CEBPZ: variants seen among roughly 807,000 people sequenced by gnomAD.
CEBPZ encodes CCAAT enhancer binding protein zeta.
Under a neutral mutation model 104.5 loss-of-function variants are expected in CEBPZ, and 78 were observed. That is an observed-to-expected ratio of 0.75 (90% CI 0.62 to 0.90). The LOEUF is 0.90. Among genes scored for constraint, CEBPZ ranks in the 40% least tolerant of loss-of-function variants. The pLI, the probability that CEBPZ is intolerant of heterozygous loss-of-function variation, is 0.00. For synonymous variants in CEBPZ, 470 were observed against 427.0 expected (o/e 1.10, Z -1.24); for missense variants, 1,439 against 1,233.5 (o/e 1.17, Z -2.50).
chr2:37,230,461 A>G (rs1033551512), intron 1 of CEBPZ, among the ~76,000 whole-genome samples: 1 of 152,234 alleles, frequency 6.6e-6, no homozygotes, highest in Non-Finnish European at 1.5e-5. Context: ...CACGTGTTTC[A>G]TGTGTATATA....
At chr2:37,215,121 T>C (rs1255401122) in intron 8 of CEBPZ, among the ~76,000 whole-genome samples, 169 bp from the exon 9 acceptor site, 1 of 152,134 alleles carries the variant, frequency 6.6e-6, no homozygotes, top group Non-Finnish European at 1.5e-5. Flanking sequence ...TGAAAAAGTC[T>C]GTGTGAAGAC....
At chr2:37,211,267 CA>C in intron 12 of CEBPZ, 185 bp from the exon 13 acceptor site, 1 of 432,072 alleles carries the variant, frequency 2.3e-6, no homozygotes, top group Non-Finnish European at 4.1e-6. Context: ...AGAATTGGCA[CA>C]GTTCTAATAT....
rs758564230 is a variant in CEBPZ at position 37,220,484 on chromosome 2, C to A, written c.2066-11G>T. The A allele has an allele frequency of 7.1e-7, 1 of 1,416,142 alleles. No individual in the cohort carries two copies. Among genetic ancestry groups the A allele is most frequent in the South Asian group, 1.3e-5 (1 of 77,496 alleles). The allele number at this position is 1,416,142 out of a possible 1,614,324, so 87.7% of individuals were successfully genotyped here. On this transcript the variant is annotated splice_polypyrimidine_tract_variant and intron_variant, in intron 4 of 15. Coordinates refer to ENST00000234170, the MANE Select transcript of CEBPZ (RefSeq NM_005760.3). ...TTAACTGTTTCCCACCTAGGAATAA[C>A]AAAAAAAATACGATTTCTCAAATGC...
Position 37,202,812 on chromosome 2 carries a change from C to A in CEBPZ, c.2997G>T (p.Met999Ile). 1 of 1,592,722 alleles carries A rather than the reference C, an allele frequency of 6.3e-7. No individual in the cohort carries two copies. The highest frequency in any genetic ancestry group is 8.5e-7 in the Non-Finnish European group (1 of 1,169,882). Residue 999 changes from methionine (M) to isoleucine (I), a missense_variant, in exon 15 of 16, where the codon ATG (methionine) becomes ATT (isoleucine). Transcript: ENST00000234170. The stretch of plus-strand genomic sequence containing the variant: ...CATTATCTTTGTTAGCCATGGCATT[C>A]ATGCCAATGTTATCAAACTTGGATC... ...NMGSKFDNIGMNAMANKDNAS... is the reference protein window; with the variant it reads ...NMGSKFDNIGINAMANKDNAS...
chr2:37,228,326 G>T lies in CEBPZ; in HGVS notation c.867C>A (p.Phe289Leu), dbSNP rs777724680. 6.2e-7 allele frequency: 1 copy of T among 1,614,138 alleles called. No homozygotes were observed. Among genetic ancestry groups the T allele is most frequent in the Non-Finnish European group, 8.5e-7 (1 of 1,180,022 alleles). Residue 289 changes from phenylalanine to leucine, a missense_variant, in exon 2 of 16, where the codon TTC (phenylalanine) becomes TTA (leucine). By Grantham distance (22) the Phe-to-Leu change is conservative. Transcript: ENST00000234170. ...KQQCLMALDT[F>L]KELLITDLLP... is the part of the protein sequence containing the mutation. The stretch of plus-strand genomic sequence containing the variant: ...AAAGGTCTGTGATAAGCAACTCTTT[G>T]AAAGTATCCAAGGCCATAAGGCACT...
chr2:37,204,138 A>G (rs1342369608), intron 13 of CEBPZ: 1 of 151,968 alleles, frequency 6.6e-6, no homozygotes, highest in Admixed American at 6.6e-5. Flanking sequence ...TTTGGGTTTT[A>G]TTCATCCTGT....
At position 37,211,615 on chromosome 2, in the gene CEBPZ, A is replaced by G. The variant is rs561387711; in HGVS notation, c.2800+228T>C. Reference sequence around the variant, plus strand: ...TGTACAGAGAAGCTAGCTGCTGGTTAAAGTAAAAGTCCAAAGCTCAAAAAG... The same window carrying G: ...TGTACAGAGAAGCTAGCTGCTGGTTGAAGTAAAAGTCCAAAGCTCAAAAAG... On this transcript the variant is annotated intron_variant, in intron 12 of 15. Coordinates refer to ENST00000234170, the MANE Select transcript of CEBPZ (RefSeq NM_005760.3). 7.0e-5 allele frequency: 32 copies of G among 457,928 alleles called. 1 individual carries two copies. Among genetic ancestry groups the G allele is most frequent in the Admixed American group, 3.9e-4 (10 of 25,780 alleles). 28.4% of individuals were successfully genotyped at this position (457,928 alleles called of 1,614,324 possible). A position where few individuals can be genotyped will look rare whatever the true frequency, so the allele number is the denominator to read the frequency against.
At position 37,202,834 on chromosome 2, in the gene CEBPZ, G is replaced by A. The variant is rs986168610; in HGVS notation, c.2975C>T (p.Ser992Phe). The A allele has an allele frequency of 6.9e-6, 11 of 1,600,796 alleles. No individual in the cohort carries two copies. The South Asian group carries it at 1.0e-4, about 15-fold the overall frequency. ...ATTCATGCCAATGTTATCAAACTTG[G>A]ATCCCATATTTTCATCCAATAGATG... ...FGHLLDENMG[S>F]KFDNIGMNAM... Residue 992 changes from serine to phenylalanine, a missense_variant, in exon 15 of 16, where the codon TCC becomes TTC. Physicochemically the swap from Ser to Phe is radical, Grantham distance 155. Coordinates refer to ENST00000234170, the MANE Select transcript of CEBPZ (RefSeq NM_005760.3).
At chr2:37,212,297 G>C in intron 11 of CEBPZ, 38 bp downstream of exon 11, 11 of 1,569,760 alleles carry the variant, frequency 7.0e-6, no homozygotes, top group Non-Finnish European at 9.6e-6. Context: ...TTTGGGAAAT[G>C]CTAGAAAAAT....
Position 37,216,219 on chromosome 2 carries a change from A to C in CEBPZ, c.2312-11T>G. ...CACTATCTGTGTTTTCTGAAATGTA[A>C]AATTATGACAGTATAATGCAAAACC... is the stretch of plus-strand genomic sequence containing the variant. On this transcript the variant is annotated splice_polypyrimidine_tract_variant and intron_variant, in intron 7 of 15. Coordinates refer to ENST00000234170, the MANE Select transcript of CEBPZ (RefSeq NM_005760.3). 1.9e-6 allele frequency: 3 copies of C among 1,611,384 alleles called. No homozygotes were observed. The highest frequency in any genetic ancestry group is 2.5e-6 in the Non-Finnish European group (3 of 1,178,630).
At chr2:37,209,843 CAACCCAT>C (rs1210409967) in intron 13 of CEBPZ, 1 of 138,908 alleles carries the variant, frequency 7.2e-6, no homozygotes, top group Admixed American at 9.8e-5. Flanking sequence ...AGTAAATAGA[CAACCCAT>C]AGAGTGGGAG....
At chr2:37,227,481 T>C (rs574737320) in intron 2 of CEBPZ, 63 bp downstream of exon 2, 1 of 1,487,002 alleles carries the variant, frequency 6.7e-7, no homozygotes, top group Admixed American at 2.3e-5. Flanking sequence ...CAGAGGGCAC[T>C]GCTTGTGCTG....
intron 2 of CEBPZ, among the ~76,000 whole-genome samples, chr2:37,226,868 G>A (rs1452624667): frequency 6.6e-6 from 1 of 152,052 alleles, no homozygotes; most frequent in East Asian, 1.9e-4. Context: ...CAATGGGTGA[G>A]TTGCAAAATT....
intron 5 of CEBPZ, among the ~76,000 whole-genome samples, chr2:37,218,359 C>T (rs950168831): frequency 6.6e-6 from 1 of 152,288 alleles, no homozygotes; most frequent in East Asian, 1.9e-4. Context: ...TTGCAAATCT[C>T]TTTAATGTCT....
intron 5 of CEBPZ, among the ~76,000 whole-genome samples, chr2:37,217,581 T>C (rs932258915): frequency 1.3e-5 from 2 of 151,980 alleles, no homozygotes; most frequent in Non-Finnish European, 2.9e-5. Context: ...AACAGAAAAA[T>C]TGTAAATACT....
rs1382790244 is a variant in CEBPZ, at chr2:37,228,085, G to A, written c.1108C>T (p.His370Tyr). 3 of 1,614,228 alleles carry A rather than the reference G, an allele frequency of 1.9e-6. No homozygotes were observed. The highest frequency in any genetic ancestry group is 1.1e-5 in the South Asian group (1 of 91,086). ...TCAGGCTTGTTACAAAGCAGCTCATGAGCCACGGTAAGGGCTCGAGTTTTA... is the reference window on the plus strand; with the variant it reads ...TCAGGCTTGTTACAAAGCAGCTCATAAGCCACGGTAAGGGCTCGAGTTTTA... ...TTKTRALTVA[H>Y]ELLCNKPEEE... The change falls in exon 2 of 16, where the codon CAT (histidine) becomes TAT (tyrosine). Residue 370 changes from histidine to tyrosine, a missense_variant. Transcript: ENST00000234170.
intron 4 of CEBPZ, among the ~76,000 whole-genome samples, chr2:37,220,874 G>A (rs1344638641): frequency 6.6e-6 from 1 of 152,182 alleles, no homozygotes; most frequent in Non-Finnish European, 1.5e-5. Flanking sequence ...GTGTGTGCCT[G>A]TAGTCCCAGC....
At chr2:37,207,408 A>C (rs771649510) in intron 13 of CEBPZ, among the ~76,000 whole-genome samples, 1 of 152,212 alleles carries the variant, frequency 6.6e-6, no homozygotes, top group Non-Finnish European at 1.5e-5. Context: ...TAGGCCACAA[A>C]ACAAGTCTCA....
chr2:37,207,872 G>GA (rs1572494509), intron 13 of CEBPZ, among the ~76,000 whole-genome samples: 2 of 151,864 alleles, frequency 1.3e-5, no homozygotes, highest in African/African-American at 4.8e-5. Flanking sequence ...TGGTTCTGTG[G>GA]AAAAATAAAG....
Sources: gnomAD v4.1 joint callset for allele counts (sites outside exome capture counted in the v4.1 genomes callset) on GRCh38, gnomAD v4.1.1 for gene constraint, MANE v1.5 for transcripts, NCBI Gene and HGNC (gene_info 2026-07-23, HGNC 2026-07-21) for gene names.